The following TBX18 variants were observed in gnomAD, a reference collection of about 807,000 sequenced individuals.
TBX18 encodes the protein T-box transcription factor 18.
TBX18 carries 21 observed loss-of-function variants against 55.0 expected under a neutral mutation model. That is an observed-to-expected ratio of 0.38 (90% CI 0.27 to 0.55). TBX18 has a LOEUF of 0.55. TBX18 is among the 20% of genes least tolerant of loss of function. The pLI, the probability that TBX18 is intolerant of heterozygous loss-of-function variation, is 0.73. For synonymous variants in TBX18, 342 were observed against 326.1 expected (o/e 1.05, Z -0.53); for missense variants, 840 against 799.6 (o/e 1.05, Z -0.61).
intron 6 of TBX18, chr6:84,740,944 A>G (rs1767032022): frequency 1.3e-5 from 2 of 152,348 alleles, no homozygotes; most frequent in Non-Finnish European, 2.9e-5. Context: ...ACACAAATCC[A>G]TAAACTAAAT....
intron 6 of TBX18, among the ~76,000 whole-genome samples, chr6:84,738,803 C>T (rs576652727): frequency 1.3e-5 from 2 of 152,220 alleles, no homozygotes; most frequent in African/African-American, 2.4e-5. Flanking sequence ...AATCACCCAC[C>T]CAAGATGCCT....
chr6:84,751,154 T>A lies in TBX18; in HGVS notation c.772-3067A>T, dbSNP rs545691398. Among the ~76,000 whole-genome samples the A allele has an allele frequency of 2.6e-5, 4 of 152,314 alleles. No individual in the cohort carries two copies. The East Asian group carries it at 7.7e-4, about 29-fold the overall frequency. ...TTACTTTACATTAAACAAACAAAAA[T>A]AAATGCATAGCTAATTTCAGAAGAT... On this transcript the variant is annotated intron_variant, in intron 4 of 7. Coordinates refer to ENST00000369663, the MANE Select transcript of TBX18 (RefSeq NM_001080508.3).
At chr6:84,738,408 A>G in intron 7 of TBX18, 89 bp downstream of exon 7, 1 of 977,762 alleles carries the variant, frequency 1.0e-6, no homozygotes, top group South Asian at 1.3e-5. Flanking sequence ...CATTATTGTA[A>G]GTATAAATAA....
Position 84,737,345 on chromosome 6 carries a change from G to T in TBX18, c.1164C>A (p.His388Gln). The T allele has an allele frequency of 6.4e-7, 1 of 1,567,794 alleles. No homozygotes were observed. The highest frequency in any genetic ancestry group is 8.6e-7 in the Non-Finnish European group (1 of 1,159,268). The change falls in exon 8 of 8, where the codon CAC (histidine) becomes CAA (glutamine). Residue 388 changes from histidine to glutamine, a missense_variant. His to Gln is a conservative substitution (Grantham distance 24). Transcript: ENST00000369663. ...TGNGVPATHP[H>Q]LLSGSSCSSP... ...AGGAGCAAGAGGAGCCAGACAAAAG[G>T]TGAGGGTGAGTGGCAGGAACGCCAT...
rs1773910221 is a variant in TBX18 at position 84,735,398 on chromosome 6, T to C, written c.*1287A>G. 1 of 152,234 alleles carries C rather than the reference T, an allele frequency of 6.6e-6. No homozygotes were observed. The allele number at this position is 152,234 out of a possible 1,614,324, so 9.4% of individuals were successfully genotyped here. On this transcript the variant is annotated 3_prime_UTR_variant, in exon 8 of 8. Coordinates refer to ENST00000369663, the MANE Select transcript of TBX18 (RefSeq NM_001080508.3). The stretch of plus-strand genomic sequence containing the variant: ...ACAAATTCTGTTGAGGTTAAAAGTT[T>C]TATAGTTCCTTTATCATAATTAGTA...
At position 84,734,992 on chromosome 6, in the gene TBX18, T is replaced by G. The variant is rs1232293524; in HGVS notation, c.*1693A>C. 1.3e-5 allele frequency: 2 copies of G among 152,106 alleles called. No individual in the cohort carries two copies. The highest frequency in any genetic ancestry group is 2.9e-5 in the Non-Finnish European group (2 of 68,012). The allele number at this position is 152,106 out of a possible 1,614,324, so 9.4% of individuals were successfully genotyped here. On this transcript the variant is annotated 3_prime_UTR_variant, in exon 8 of 8. Transcript: ENST00000369663. ...AATTTGTTAATATGTATAAACAGAG[T>G]CACATCCTGTGCAAATTCAACAGTA... is the stretch of plus-strand genomic sequence containing the variant.
chr6:84,753,954 GTC>G (rs1173986709), intron 4 of TBX18, among the ~76,000 whole-genome samples: 4 of 152,084 alleles, frequency 2.6e-5, no homozygotes, highest in African/African-American at 9.7e-5. Flanking sequence ...TTGAAGCAGA[GTC>G]TCACTCTGTC....
chr6:84,747,946 T>G lies in TBX18; in HGVS notation c.913A>C (p.Thr305Pro). The G allele has an allele frequency of 2.5e-6, 4 of 1,613,190 alleles. No homozygotes were observed. Among genetic ancestry groups the G allele is most frequent in the Non-Finnish European group, 2.5e-6 (3 of 1,179,292 alleles). The change falls in exon 5 of 8, where the codon ACC (threonine) becomes CCC (proline). Residue 305 changes from threonine to proline, a missense_variant. Physicochemically the swap from Thr to Pro is conservative, Grantham distance 38. Transcript: ENST00000369663. Reference protein sequence around the residue: ...AFSFPETVFTTVTAYQNQQIT... With the variant: ...AFSFPETVFTPVTAYQNQQIT... ...TGCTGATTCTGATAGGCAGTGACGG[T>G]TGTGAAGACAGTTTCTGGAAAGGAG...
At chr6:84,746,238 A>G (rs1453961813) in intron 5 of TBX18, among the ~76,000 whole-genome samples, 1 of 151,954 alleles carries the variant, frequency 6.6e-6, no homozygotes, top group Non-Finnish European at 1.5e-5. Context: ...GAGAGAGACA[A>G]AAAGAGAGGA....
chr6:84,758,638 A>G (rs9444229), intron 3 of TBX18, among the ~76,000 whole-genome samples: 3 of 152,078 alleles, frequency 2.0e-5, no homozygotes, highest in Non-Finnish European at 4.4e-5. Flanking sequence ...TTAGAGATTC[A>G]AGAAAAATTA....
chr6:84,757,553 A>C (rs1429848322), intron 3 of TBX18, among the ~76,000 whole-genome samples: 3 of 152,086 alleles, frequency 2.0e-5, no homozygotes, highest in Admixed American at 6.5e-5. Context: ...CCTTATAAAA[A>C]ATTCTTTCAA....
In TBX18 at chr6:84,736,783, G is replaced by A. The variant is rs1421630770; in HGVS notation, c.1726C>T (p.His576Tyr). ...TGCTGACCCCCACTGCTAAGCAGGT[G>A]CACTCCTTCCACAGGGGGCAACATC... ...RQMLPPVEGV[H>Y]LLSSGGQQSF... The change falls in exon 8 of 8, where the codon CAC (histidine) becomes TAC (tyrosine). Residue 576 changes from histidine to tyrosine, a missense_variant. His to Tyr is a moderately conservative substitution (Grantham distance 83). Transcript: ENST00000369663. 6.2e-7 allele frequency: 1 copy of A among 1,613,966 alleles called. No individual in the cohort carries two copies. The highest frequency in any genetic ancestry group is 1.3e-5 in the African/African-American group (1 of 74,922).
chr6:84,736,984 C>A lies in TBX18; in HGVS notation c.1525G>T (p.Ala509Ser), dbSNP rs767328277. The A allele has an allele frequency of 1.2e-6, 2 of 1,611,200 alleles. No individual in the cohort carries two copies. The highest frequency in any genetic ancestry group is 1.1e-5 in the South Asian group (1 of 90,518). ...IMPSPSSNAFATNQTHQGSYN... is the reference protein window; with the variant it reads ...IMPSPSSNAFSTNQTHQGSYN... ...GAACCCTGATGGGTCTGGTTAGTGG[C>A]GAAGGCATTGCTGGAGGGTGATGGC... The change falls in exon 8 of 8, where the codon GCC becomes TCC. Residue 509 changes from alanine (A) to serine (S), a missense_variant. Coordinates refer to ENST00000369663, the MANE Select transcript of TBX18 (RefSeq NM_001080508.3).
At chr6:84,741,925 T>C (rs1434299857) in intron 6 of TBX18, 1 of 152,308 alleles carries the variant, frequency 6.6e-6, no homozygotes. Flanking sequence ...GACTGAATTA[T>C]CTCTTCTCCA....
At chr6:84,737,486 A>G in intron 7 of TBX18, 77 bp from the exon 8 acceptor site, 4 of 1,435,634 alleles carry the variant, frequency 2.8e-6, no homozygotes, top group Non-Finnish European at 3.7e-6. Flanking sequence ...TGAGCTAGAC[A>G]CAGCTTGTTA....
chr6:84,753,953 A>G (rs1282021651), intron 4 of TBX18, among the ~76,000 whole-genome samples: 1 of 152,122 alleles, frequency 6.6e-6, no homozygotes, highest in Admixed American at 6.5e-5. Flanking sequence ...TTTGAAGCAG[A>G]GTCTCACTCT....
rs377103957 is a variant in TBX18, at chr6:84,737,139, T to C, written c.1370A>G (p.Tyr457Cys). ...ETFAPPRTPS[Y>C]VGVSSSTSVN... The stretch of plus-strand genomic sequence containing the variant: ...GGAGGTGCTGCTGCTCACGCCCACA[T>C]AGGAGGGAGTCCTGGGCGGGGCAAA... Residue 457 changes from tyrosine (Y) to cysteine (C), a missense_variant, in exon 8 of 8, where the codon TAT (tyrosine) becomes TGT (cysteine). Physicochemically the swap from Tyr to Cys is radical, Grantham distance 194. Transcript: ENST00000369663. 8.1e-6 allele frequency: 13 copies of C among 1,614,004 alleles called. No homozygotes were observed. The African/African-American group carries it at 9.3e-5, about 12-fold the overall frequency.
chr6:84,738,643 C>T (rs765640502), intron 6 of TBX18, 52 bp from the exon 7 acceptor site: 1 of 1,366,050 alleles, frequency 7.3e-7, no homozygotes, highest in South Asian at 1.2e-5. Flanking sequence ...TAGTTAGGAG[C>T]ATTTGGATCT....
At chr6:84,762,426 C>T (rs1385939099) in intron 2 of TBX18, 118 bp downstream of exon 2, 5 of 1,261,276 alleles carry the variant, frequency 4.0e-6, no homozygotes, top group South Asian at 1.2e-5. Flanking sequence ...TCCCGTTTGA[C>T]CGAAAATGCT....
Sources: gnomAD v4.1 joint callset for allele counts (sites outside exome capture counted in the v4.1 genomes callset) on GRCh38, gnomAD v4.1.1 for gene constraint, MANE v1.5 for transcripts, NCBI Gene and HGNC (gene_info 2026-07-23, HGNC 2026-07-21) for gene names.